Variants in VPS13B observed in about 807,000 individuals in gnomAD.
VPS13B encodes the protein vacuolar protein sorting 13 homolog B.
A neutral mutation model predicts 426.4 loss-of-function variants in VPS13B; 285 were observed. The ratio of observed to expected loss-of-function variants is 0.67; its 90% CI spans 0.61 to 0.74. The LOEUF (loss-of-function observed/expected upper bound fraction) is 0.74, where lower values mean the gene tolerates loss of function less well. Among genes scored for constraint, VPS13B ranks in the 30% least tolerant of loss-of-function variants. The pLI is 0.00. For missense variants in VPS13B, 4,537 were observed against 4,782.6 expected (o/e 0.95, Z 1.51); for synonymous variants, 1,676 against 1,676.4 (o/e 1.00, Z 0.01).
intron 3 of VPS13B, among the ~76,000 whole-genome samples, chr8:99,093,523 T>TC (rs1035779348): frequency 1.8e-5 from 2 of 108,600 alleles, no homozygotes; most frequent in Non-Finnish European, 1.9e-5. Flanking sequence ...GTGCTATACC[T>TC]CCCCCCTCCC....
intron 21 of VPS13B, among the ~76,000 whole-genome samples, chr8:99,417,246 T>A (rs1166137199): frequency 6.6e-6 from 1 of 152,138 alleles, no homozygotes; most frequent in African/African-American, 2.4e-5. Flanking sequence ...CGACTCCTTA[T>A]AAATAATGAT....
At chr8:99,634,137 T>G (rs1208151380) in intron 33 of VPS13B, among the ~76,000 whole-genome samples, 1 of 151,914 alleles carries the variant, frequency 6.6e-6, no homozygotes, top group Non-Finnish European at 1.5e-5. Flanking sequence ...CACAAAAGTC[T>G]AAAGGTCAAC....
chr8:99,360,240 C>CTCCT (rs763728692), intron 19 of VPS13B, among the ~76,000 whole-genome samples: 2,025 of 76,794 alleles, frequency 0.026, 115 homozygotes, highest in East Asian at 0.035. Flanking sequence ...CTTTCTCTCT[C>CTCCT]TCCTTCCTTC....
intron 22 of VPS13B, 45 bp downstream of exon 22, chr8:99,431,709 CT>C: frequency 6.3e-7 from 1 of 1,575,488 alleles, no homozygotes. Flanking sequence ...TTCTATAATC[CT>C]TTTTAATTCC....
In VPS13B at chr8:99,501,840, C is replaced by A; in HGVS notation, c.4024C>A (p.Pro1342Thr). Reference sequence around the variant, plus strand: ...TACTATAAAGCTCTTTGCTCCAGATCCTGAAAATAAAGGCACAGGTACAGG... The same window carrying A: ...TACTATAAAGCTCTTTGCTCCAGATACTGAAAATAAAGGCACAGGTACAGG... ...KITIKLFAPD[P>T]ENKGTEVCMV... Residue 1342 changes from proline to threonine, a missense_variant, in exon 26 of 62, where the codon CCT becomes ACT. Transcript: ENST00000357162. 1 of 1,613,892 alleles carries A rather than the reference C, an allele frequency of 6.2e-7. No homozygotes were observed. Among genetic ancestry groups the A allele is most frequent in the Middle Eastern group, 1.7e-4 (1 of 6,056 alleles).
In VPS13B at chr8:99,876,770, T is replaced by A. The variant is rs930904323; in HGVS notation, c.*1104T>A. The A allele has an allele frequency of 6.6e-6, 1 of 152,216 alleles. No individual in the cohort carries two copies. The highest frequency in any genetic ancestry group is 6.5e-5 in the Admixed American group (1 of 15,286). 9.4% of individuals were successfully genotyped at this position (152,216 alleles called of 1,614,324 possible). On this transcript the variant is annotated 3_prime_UTR_variant, in exon 62 of 62. Coordinates refer to ENST00000357162, the MANE Select transcript of VPS13B (RefSeq NM_152564.5). ...CAGTAGCTTAGAGCATGTTTGCTGA[T>A]TGATATTACATTTAAACTTGGGGCT... is the stretch of plus-strand genomic sequence containing the variant.
intron 19 of VPS13B, among the ~76,000 whole-genome samples, chr8:99,323,820 A>G (rs747204000): frequency 1.1e-4 from 17 of 152,210 alleles, no homozygotes; most frequent in African/African-American, 3.4e-4. Flanking sequence ...AAATATTGCA[A>G]TTATTTGACT....
intron 21 of VPS13B, among the ~76,000 whole-genome samples, chr8:99,398,972 C>T (rs1358356391): frequency 1.3e-5 from 2 of 151,686 alleles, no homozygotes; most frequent in East Asian, 1.9e-4. Flanking sequence ...AGATGGTTAG[C>T]GGGCCCTAAA....
intron 39 of VPS13B, among the ~76,000 whole-genome samples, chr8:99,733,035 T>C (rs1436616558): frequency 1.3e-5 from 2 of 152,206 alleles, no homozygotes; most frequent in Non-Finnish European, 2.9e-5. Context: ...TGAAGAACTA[T>C]GTTTAGCAAT....
chr8:99,712,759 C>CCAAAAAA, intron 36 of VPS13B, among the ~76,000 whole-genome samples: 1 of 98,146 alleles, frequency 1.0e-5, no homozygotes. Context: ...GTCCCCAAGC[C>CCAAAAAA]AAAAAAAAAA....
chr8:99,589,171 T>A (rs1005767488), intron 33 of VPS13B, among the ~76,000 whole-genome samples: 3 of 151,792 alleles, frequency 2.0e-5, no homozygotes, highest in Admixed American at 6.6e-5. Flanking sequence ...GTGGATAAAC[T>A]TTTTGATGTG....
chr8:99,572,163 G>C (rs200505515), intron 31 of VPS13B, among the ~76,000 whole-genome samples: 1 of 151,812 alleles, frequency 6.6e-6, no homozygotes, highest in Admixed American at 6.5e-5. Context: ...GGTATGGCTT[G>C]CTAACGAAAC....
intron 20 of VPS13B, among the ~76,000 whole-genome samples, chr8:99,389,154 GA>G (rs952698485): frequency 2.7e-5 from 4 of 145,862 alleles, no homozygotes; most frequent in East Asian, 2.0e-4. Context: ...GTCTCAAAAA[GA>G]AAAAAAAAAG....
chr8:99,226,506 G>T (rs770344966), intron 17 of VPS13B, among the ~76,000 whole-genome samples: 2 of 152,010 alleles, frequency 1.3e-5, no homozygotes, highest in African/African-American at 4.8e-5. Context: ...GTGATTTATT[G>T]TTTCTTAGAT....
At chr8:99,663,633 G>C (rs1429903347) in intron 35 of VPS13B, among the ~76,000 whole-genome samples, 3 of 152,146 alleles carry the variant, frequency 2.0e-5, no homozygotes, top group Non-Finnish European at 4.4e-5. Flanking sequence ...TCAGTTTGAA[G>C]ACACTTCCTG....
In VPS13B at chr8:99,521,028, T is replaced by C; in HGVS notation, c.4745+18T>C. 1.9e-6 allele frequency: 3 copies of C among 1,597,070 alleles called. No individual in the cohort carries two copies. Among genetic ancestry groups the C allele is most frequent in the Non-Finnish European group, 2.6e-6 (3 of 1,164,792 alleles). On this transcript the variant is annotated intron_variant, in intron 30 of 61. Transcript: ENST00000357162. ...ATTTACCAGTAAGTTTATTTTCTTATGTCCAATCTTGCAACAATTTTCATC... is the reference window on the plus strand; with the variant it reads ...ATTTACCAGTAAGTTTATTTTCTTACGTCCAATCTTGCAACAATTTTCATC...
intron 19 of VPS13B, among the ~76,000 whole-genome samples, chr8:99,336,634 A>G (rs1186280553): frequency 6.6e-6 from 1 of 152,236 alleles, no homozygotes; most frequent in Admixed American, 6.5e-5. Flanking sequence ...GCTGATATCC[A>G]GAATCTACAA....
intron 19 of VPS13B, among the ~76,000 whole-genome samples, chr8:99,299,686 C>A (rs1202508091): frequency 1.3e-5 from 2 of 151,568 alleles, no homozygotes; most frequent in Non-Finnish European, 2.9e-5. Context: ...CTGAGGCGGG[C>A]AGATCATGAG....
chr8:99,421,700 T>A (rs963844587), intron 21 of VPS13B, among the ~76,000 whole-genome samples: 8 of 152,012 alleles, frequency 5.3e-5, no homozygotes, highest in Non-Finnish European at 1.2e-4. Flanking sequence ...ATTATTATTA[T>A]TTTTTGAGAC....
Sources: allele counts gnomAD v4.1 joint callset (sites outside exome capture counted in the v4.1 genomes callset), GRCh38; gene constraint gnomAD v4.1.1; transcripts MANE v1.5; gene names NCBI Gene and HGNC (gene_info 2026-07-23, HGNC 2026-07-21).